PEAK1: variants seen among roughly 807,000 people sequenced by gnomAD.
PEAK1 encodes inactive tyrosine-protein kinase PEAK1.
A neutral mutation model predicts 124.7 loss-of-function variants in PEAK1; 54 were observed. The observed-to-expected ratio is 0.43, with a 90% CI of 0.35 to 0.54. The LOEUF is 0.54. PEAK1 is among the 20% of genes least tolerant of loss of function. PEAK1 has a pLI of 0.01. For synonymous variants in PEAK1, 719 were observed against 760.0 expected (o/e 0.95, Z 0.89); for missense variants, 2,046 against 2,134.5 (o/e 0.96, Z 0.82).
chr15:77,387,583 T>C (rs898551067), intron 1 of PEAK1, among the ~76,000 whole-genome samples: 1 of 152,188 alleles, frequency 6.6e-6, no homozygotes, highest in African/African-American at 2.4e-5. Context: ...AATAGGGAAG[T>C]AGCTCTCCAG....
chr15:77,390,681 C>T (rs2070381271), intron 1 of PEAK1, among the ~76,000 whole-genome samples: 1 of 152,174 alleles, frequency 6.6e-6, no homozygotes, highest in South Asian at 2.1e-4. Flanking sequence ...GTTCTAAGCC[C>T]TTTGCCTCTA....
chr15:77,418,564 T>C (rs2073078454), intron 1 of PEAK1: 1 of 985,090 alleles, frequency 1.0e-6, no homozygotes, highest in South Asian at 4.7e-5. Flanking sequence ...GCCAAGAAAA[T>C]GTACCATATC....
chr15:77,149,389 A>T (rs773164990), intron 8 of PEAK1, among the ~76,000 whole-genome samples: 1 of 152,198 alleles, frequency 6.6e-6, no homozygotes, highest in African/African-American at 2.4e-5. Context: ...CTGGTTCTGG[A>T]ATATTTAAAA....
Position 77,419,015 on chromosome 15 carries a change from A to G in PEAK1, c.-666+991T>C, listed in dbSNP as rs981871069. The G allele has an allele frequency of 3.0e-6, 3 of 984,738 alleles. No individual in the cohort carries two copies. In the African/African-American group the frequency reaches 5.2e-5, roughly 17 times the overall value. 61.0% of individuals were successfully genotyped at this position (984,738 alleles called of 1,614,324 possible). ...ATCTTACCACATTCAACAGAGGCAG[A>G]AAAAAAATCAATTAGGTTTTCTATA... On this transcript the variant is annotated intron_variant, in intron 1 of 9. Transcript: ENST00000682557.
chr15:77,380,183 G>GA (rs1414382147), intron 1 of PEAK1, among the ~76,000 whole-genome samples: 1 of 152,018 alleles, frequency 6.6e-6, no homozygotes, highest in Non-Finnish European at 1.5e-5. Context: ...AATCAATACT[G>GA]GCCTGGGAGC....
chr15:77,414,790 C>T (rs950921469), intron 1 of PEAK1, among the ~76,000 whole-genome samples: 6 of 152,212 alleles, frequency 3.9e-5, no homozygotes, highest in Non-Finnish European at 8.8e-5. Flanking sequence ...ATTATTTGCT[C>T]TTCATTTGCT....
chr15:77,209,140 C>A (rs1184997040), intron 6 of PEAK1, among the ~76,000 whole-genome samples: 1 of 152,032 alleles, frequency 6.6e-6, no homozygotes, highest in Non-Finnish European at 1.5e-5. Context: ...GAAACCAGAT[C>A]TAAAAAAGTC....
intron 7 of PEAK1, among the ~76,000 whole-genome samples, chr15:77,176,719 CCA>C: frequency 6.6e-6 from 1 of 152,246 alleles, no homozygotes; most frequent in East Asian, 1.9e-4. Flanking sequence ...TCTGCCAAGC[CCA>C]GGGCCTGGGC....
chr15:77,200,288 G>A (rs573396317), intron 6 of PEAK1, among the ~76,000 whole-genome samples: 115 of 152,010 alleles, frequency 7.6e-4, no homozygotes, highest in Non-Finnish European at 1.1e-3. Flanking sequence ...ATAGTATATC[G>A]TACATATAGA....
chr15:77,193,661 G>A (rs1305874650), intron 6 of PEAK1, among the ~76,000 whole-genome samples: 2 of 152,118 alleles, frequency 1.3e-5, no homozygotes, highest in African/African-American at 2.4e-5. Context: ...AAAATTAGCT[G>A]TGCACAGTGG....
intron 5 of PEAK1, among the ~76,000 whole-genome samples, chr15:77,256,965 G>A (rs995719345): frequency 2.5e-4 from 38 of 149,728 alleles, no homozygotes; most frequent in African/African-American, 8.8e-4. Context: ...CTATGAGTGA[G>A]AACATGCGGT....
intron 1 of PEAK1, chr15:77,402,336 A>G (rs1392708592): frequency 1.0e-6 from 1 of 985,244 alleles, no homozygotes; most frequent in Non-Finnish European, 1.2e-6. Flanking sequence ...CAAGGGAATA[A>G]ATCAAGGGAA....
At chr15:77,249,736 C>T (rs1160878835) in intron 6 of PEAK1, among the ~76,000 whole-genome samples, 1 of 152,064 alleles carries the variant, frequency 6.6e-6, no homozygotes, top group African/African-American at 2.4e-5. Flanking sequence ...TGAAAACAAA[C>T]TGGTCTTGAA....
chr15:77,305,158 G>A (rs771197165), intron 2 of PEAK1, among the ~76,000 whole-genome samples: 2 of 67,270 alleles, frequency 3.0e-5, no homozygotes, highest in African/African-American at 7.1e-5. Context: ...AAGGAAGGAA[G>A]GAAGGAGGGA....
At position 77,178,938 on chromosome 15, in the gene PEAK1, G is replaced by A; in HGVS notation, c.2989C>T (p.Gln997Ter). The change falls in exon 7 of 10, where the codon CAA becomes TAA. Residue 997 changes from glutamine to a stop codon, truncating the protein, a stop_gained. Transcript: ENST00000682557. LOFTEE classifies it high-confidence loss of function. ...IVFMYRCDPAQGQLSVDQSKA... is the reference protein window; with the variant it reads ...IVFMYRCDPA ...CTCTGATCCACACTGAGCTGGCCTT[G>A]AGCAGGGTCGCACCTGTACATGAAG... 1 of 1,614,082 alleles carries A rather than the reference G, an allele frequency of 6.2e-7. No individual in the cohort carries two copies. The highest frequency in any genetic ancestry group is 8.5e-7 in the Non-Finnish European group (1 of 1,180,024).
chr15:77,251,584 C>A (rs2060885430), intron 6 of PEAK1, among the ~76,000 whole-genome samples: 1 of 152,026 alleles, frequency 6.6e-6, no homozygotes, highest in Admixed American at 6.6e-5. Context: ...GGAACTACTA[C>A]CTATGTTGCT....
At chr15:77,402,663 G>A (rs904335225) in intron 1 of PEAK1, 4 of 985,182 alleles carry the variant, frequency 4.1e-6, no homozygotes, top group Non-Finnish European at 4.8e-6. Context: ...TACTCCCATA[G>A]TGTATCGTTT....
At chr15:77,153,488 C>G (rs1426522257) in intron 8 of PEAK1, among the ~76,000 whole-genome samples, 5 of 152,152 alleles carry the variant, frequency 3.3e-5, no homozygotes, top group South Asian at 2.1e-4. Flanking sequence ...ATTTCCTTCA[C>G]TTCTGCTCTG....
intron 9 of PEAK1, among the ~76,000 whole-genome samples, chr15:77,119,401 G>C (rs1007281952): frequency 3.3e-5 from 5 of 152,206 alleles, no homozygotes; most frequent in Non-Finnish European, 7.3e-5. Context: ...GGACAGAGAA[G>C]GGAAAAATAT....
Sources: allele counts gnomAD v4.1 joint callset (sites outside exome capture counted in the v4.1 genomes callset), GRCh38; gene constraint gnomAD v4.1.1; transcripts MANE v1.5; gene names NCBI Gene and HGNC (gene_info 2026-07-23, HGNC 2026-07-21).